JAZF1: variants seen among roughly 807,000 people sequenced by gnomAD.
The protein encoded by JAZF1 is juxtaposed with another zinc finger protein 1.
Under a neutral mutation model 26.4 loss-of-function variants are expected in JAZF1, and 8 were observed. The observed-to-expected ratio is 0.30, with a 90% CI of 0.18 to 0.55. The LOEUF (loss-of-function observed/expected upper bound fraction) is 0.55. Ranked by LOEUF, JAZF1 falls within the 20% of genes least tolerant of loss-of-function variation. The pLI is 0.94. For synonymous variants in JAZF1, 126 were observed against 122.3 expected (o/e 1.03, Z -0.20); for missense variants, 199 against 322.0 (o/e 0.62, Z 2.92).
chr7:27,932,502 G>T (rs1377548382), intron 2 of JAZF1, among the ~76,000 whole-genome samples: 3 of 152,080 alleles, frequency 2.0e-5, no homozygotes, highest in Non-Finnish European at 4.4e-5. Context: ...CTCTCAATCA[G>T]CTGGAAACAA....
intron 3 of JAZF1, among the ~76,000 whole-genome samples, chr7:27,846,280 T>C (rs1433021975): frequency 6.6e-6 from 1 of 152,076 alleles, no homozygotes; most frequent in African/African-American, 2.4e-5. Flanking sequence ...AATAGTAGGA[T>C]CTCCTTTTTG....
intron 1 of JAZF1, among the ~76,000 whole-genome samples, chr7:28,001,786 A>G (rs999567683): frequency 6.6e-6 from 1 of 152,118 alleles, no homozygotes; most frequent in African/African-American, 2.4e-5. Flanking sequence ...TGTTTTAGAA[A>G]AATAACCAGT....
chr7:28,080,056 T>C (rs1784111390), intron 1 of JAZF1, among the ~76,000 whole-genome samples: 1 of 152,272 alleles, frequency 6.6e-6, no homozygotes, highest in Non-Finnish European at 1.5e-5. Context: ...AATATTTTAT[T>C]GCTAAAAAAT....
chr7:28,098,914 A>C (rs1784426201), intron 1 of JAZF1, among the ~76,000 whole-genome samples: 1 of 152,194 alleles, frequency 6.6e-6, no homozygotes, highest in Non-Finnish European at 1.5e-5. Context: ...CCCAACTCCT[A>C]GTCTGGGATT....
chr7:27,927,559 G>A (rs1301818973), intron 2 of JAZF1, among the ~76,000 whole-genome samples: 1 of 152,090 alleles, frequency 6.6e-6, no homozygotes, highest in Non-Finnish European at 1.5e-5. Context: ...CTGGTATATA[G>A]TATTTAACAA....
chr7:27,879,635 G>A (rs1292093532), intron 3 of JAZF1, among the ~76,000 whole-genome samples: 5 of 152,020 alleles, frequency 3.3e-5, no homozygotes, highest in East Asian at 1.9e-4. Context: ...TAAAAGGGTG[G>A]GGCCTGCTCA....
intron 2 of JAZF1, among the ~76,000 whole-genome samples, chr7:27,927,366 G>A (rs932575787): frequency 6.6e-6 from 1 of 152,196 alleles, no homozygotes; most frequent in Non-Finnish European, 1.5e-5. Context: ...GATGGGCTGC[G>A]AAACCTTTCT....
intron 2 of JAZF1, among the ~76,000 whole-genome samples, chr7:27,943,466 G>C (rs1784879542): frequency 6.6e-6 from 1 of 152,326 alleles, no homozygotes; most frequent in Admixed American, 6.5e-5. Context: ...GGAGATGTGA[G>C]AAAGGAATGC....
intron 2 of JAZF1, among the ~76,000 whole-genome samples, chr7:27,948,719 C>G (rs1208584019): frequency 2.0e-5 from 3 of 152,104 alleles, no homozygotes; most frequent in African/African-American, 7.2e-5. Flanking sequence ...GTATTGATAA[C>G]CTACAAGGGT....
chr7:28,136,988 T>A (rs1207730675), intron 1 of JAZF1, among the ~76,000 whole-genome samples: 5 of 152,198 alleles, frequency 3.3e-5, no homozygotes, highest in Admixed American at 6.5e-5. Context: ...TGCTGAATGC[T>A]TATGCCGTGC....
At chr7:27,853,149 CT>C (rs1783182144) in intron 3 of JAZF1, among the ~76,000 whole-genome samples, 1 of 152,150 alleles carries the variant, frequency 6.6e-6, no homozygotes, top group Non-Finnish European at 1.5e-5. Flanking sequence ...TTTGGGGTAT[CT>C]ACTGATTTCC....
At chr7:28,085,095 T>C (rs921505141) in intron 1 of JAZF1, among the ~76,000 whole-genome samples, 1 of 152,184 alleles carries the variant, frequency 6.6e-6, no homozygotes, top group African/African-American at 2.4e-5. Flanking sequence ...TCTTTATAAA[T>C]TACCCAGTAT....
chr7:28,041,176 CAAAT>C (rs1460277990), intron 1 of JAZF1, among the ~76,000 whole-genome samples: 6 of 152,094 alleles, frequency 3.9e-5, no homozygotes, highest in Non-Finnish European at 7.4e-5. Context: ...GTTCACAACA[CAAAT>C]AACTATTGTT....
chr7:28,116,274 C>A (rs1321081574), intron 1 of JAZF1, among the ~76,000 whole-genome samples: 1 of 152,186 alleles, frequency 6.6e-6, no homozygotes, highest in Non-Finnish European at 1.5e-5. Flanking sequence ...CTCAGAAGTA[C>A]ACTGCTGATG....
intron 2 of JAZF1, among the ~76,000 whole-genome samples, chr7:27,901,894 A>G (rs915258517): frequency 6.6e-6 from 1 of 152,240 alleles, no homozygotes; most frequent in African/African-American, 2.4e-5. Flanking sequence ...AGCACTGTGC[A>G]GTATTTTTCA....
intron 1 of JAZF1, among the ~76,000 whole-genome samples, chr7:28,101,288 C>A (rs1188256084): frequency 6.6e-6 from 1 of 152,026 alleles, no homozygotes; most frequent in African/African-American, 2.4e-5. Context: ...TGCTGTATAC[C>A]ACATATTAAA....
intron 1 of JAZF1, among the ~76,000 whole-genome samples, chr7:28,018,849 C>T (rs749653805): frequency 1.2e-4 from 19 of 152,070 alleles, no homozygotes; most frequent in Non-Finnish European, 2.8e-4. Context: ...ACAGCTGCTG[C>T]GAGGGGAAAA....
chr7:28,055,941 T>A (rs1018114714), intron 1 of JAZF1, among the ~76,000 whole-genome samples: 1 of 152,196 alleles, frequency 6.6e-6, no homozygotes, highest in Non-Finnish European at 1.5e-5. Context: ...GGATTCAACC[T>A]CCTCTTCCTT....
intron 1 of JAZF1, among the ~76,000 whole-genome samples, chr7:28,151,217 C>T (rs1433787781): frequency 2.0e-5 from 3 of 151,754 alleles, no homozygotes; most frequent in African/African-American, 4.8e-5. Context: ...GATTCTCCTG[C>T]CCCAGCCTCC....
Sources: gnomAD v4.1 joint callset for allele counts (sites outside exome capture counted in the v4.1 genomes callset) on GRCh38, gnomAD v4.1.1 for gene constraint, MANE v1.5 for transcripts, NCBI Gene and HGNC (gene_info 2026-07-23, HGNC 2026-07-21) for gene names.